Variants in PLEKHA4 observed in about 807,000 individuals in gnomAD.
The protein encoded by PLEKHA4 is pleckstrin homology domain containing A4.
Under a neutral mutation model 94.7 loss-of-function variants are expected in PLEKHA4, and 73 were observed. The ratio of observed to expected loss-of-function variants is 0.77; its 90% confidence interval spans 0.64 to 0.94. The LOEUF (loss-of-function observed/expected upper bound fraction) is 0.94. Ranked by LOEUF, PLEKHA4 falls within the 40% of genes least tolerant of loss-of-function variation. The probability of loss-of-function intolerance (pLI) is 0.00; values close to 1 mark genes in which losing one functional copy is unlikely to be tolerated. For synonymous variants in PLEKHA4, 449 were observed against 437.1 expected, an observed-to-expected ratio of 1.03 and a Z score of -0.34; for missense variants, 1,049 against 1,054.1, an observed-to-expected ratio of 1.00 and a Z score of 0.07.
intron 13 of PLEKHA4, among the ~76,000 whole-genome samples, chr19:48,849,793 A>G (rs968236041): frequency 2.0e-5 from 3 of 152,212 alleles, no homozygotes; most frequent in Non-Finnish European, 4.4e-5. Flanking sequence ...AGGATGCAAG[A>G]GATGAACTTG....
At position 48,859,375 on chromosome 19, in the gene PLEKHA4, C is replaced by T; in HGVS notation, c.692+94G>A. Reference sequence around the variant, plus strand: ...CACGGGAGCCCCAGCAAGTCACACACACTCAAGCAGAAAGCGCTAAGGCCC... The same window carrying T: ...CACGGGAGCCCCAGCAAGTCACACATACTCAAGCAGAAAGCGCTAAGGCCC... On this transcript the variant is annotated intron_variant, in intron 7 of 19. Coordinates refer to ENST00000263265, the MANE Select transcript of PLEKHA4 (RefSeq NM_020904.3). The T allele has an allele frequency of 6.7e-6, 9 of 1,351,488 alleles. No homozygotes were observed. In the East Asian group the frequency reaches 7.2e-5, roughly 11 times the overall value. 83.7% of individuals were successfully genotyped at this position (1,351,488 alleles called of 1,614,324 possible). A position where few individuals can be genotyped will look rare whatever the true frequency, so the allele number is the denominator to read the frequency against.
rs1599855074 is a variant in PLEKHA4, at chr19:48,837,412, A to G, written c.2217T>C (p.Ser739=). 6.2e-7 allele frequency: 1 copy of G among 1,612,812 alleles called. No homozygotes were observed. ...AGGGGGTGGGACCTCCTCCACGCCC[A>G]CTCCCTCGGCGAGAGAACCCCGTGG... ...SGSTGFSRRG[S]GRGGGPTPWG... The change falls in exon 20 of 20, where the codon AGT becomes AGC. Residue 739 remains serine (S), a synonymous_variant. Coordinates refer to ENST00000263265, the MANE Select transcript of PLEKHA4 (RefSeq NM_020904.3). This position sits in a 1 kb window ranked among gnomAD's most constrained non-coding sequence, Gnocchi z 4.3.
chr19:48,854,067 G>C lies in PLEKHA4; in HGVS notation c.1116C>G (p.Cys372Trp). The C allele has an allele frequency of 4.3e-6, 7 of 1,614,124 alleles. No individual in the cohort carries two copies. Among genetic ancestry groups the C allele is most frequent in the Non-Finnish European group, 5.9e-6 (7 of 1,180,008 alleles). Reference protein sequence around the residue: ...LETDTLLTKLCGQDRLLRRLQ... With the variant: ...LETDTLLTKLWGQDRLLRRLQ... ...GCCTCCGCAGAAGCCGGTCCTGCCCGCACAACTTGGTCAGCAGCGTCTGGA... is the reference window on the plus strand; with the variant it reads ...GCCTCCGCAGAAGCCGGTCCTGCCCCCACAACTTGGTCAGCAGCGTCTGGA... The change falls in exon 11 of 20, where the codon TGC becomes TGG. Residue 372 changes from cysteine to tryptophan, a missense_variant. Coordinates refer to ENST00000263265, the MANE Select transcript of PLEKHA4 (RefSeq NM_020904.3).
chr19:48,839,113 C>T (rs1297384379), intron 18 of PLEKHA4, 92 bp downstream of exon 18: 1 of 837,786 alleles, frequency 1.2e-6, no homozygotes, highest in African/African-American at 1.7e-5. Flanking sequence ...TTTGTACTTC[C>T]ATATTCAGGA....
At position 48,856,898 on chromosome 19, in the gene PLEKHA4, C is replaced by CAAAAA. The variant is rs1315657736; in HGVS notation, c.1047+519_1047+523dup. Among the ~76,000 whole-genome samples the CAAAAA allele has an allele frequency of 9.7e-3, 344 of 35,522 alleles. 6 individuals are homozygous for CAAAAA. Among genetic ancestry groups the CAAAAA allele is most frequent in the Middle Eastern group, 0.014 (1 of 72 alleles). The allele number at this position is 35,522 out of a possible 152,430, so 23.3% of individuals were successfully genotyped here. On this transcript the variant is annotated intron_variant, in intron 9 of 19. Coordinates refer to ENST00000263265, the MANE Select transcript of PLEKHA4 (RefSeq NM_020904.3). ...TGGGCGACAGAGAGAGACCCCGTCT[C>CAAAAA]AAAAAAAAAAAAAAAAAAGAAAGAA...
intron 7 of PLEKHA4, 21 bp from the exon 8 acceptor site, chr19:48,859,160 G>C: frequency 6.6e-7 from 1 of 1,512,522 alleles, no homozygotes; most frequent in Non-Finnish European, 8.8e-7. Context: ...GAGAGAATCG[G>C]GGAACTGAGT....
At chr19:48,860,922 A>C (rs1358246809) in intron 5 of PLEKHA4, among the ~76,000 whole-genome samples, 1 of 151,614 alleles carries the variant, frequency 6.6e-6, no homozygotes, top group African/African-American at 2.4e-5. Flanking sequence ...AAAGGAAAGG[A>C]CTGGACAGAC....
At chr19:48,849,987 C>T (rs143026974) in intron 13 of PLEKHA4, among the ~76,000 whole-genome samples, 2,721 of 149,234 alleles carry the variant, frequency 0.018, 38 homozygotes, top group Middle Eastern at 0.053. Context: ...CCGAGGCAGG[C>T]GGATCAGAAG....
chr19:48,852,924 A>C (rs2036255606), intron 12 of PLEKHA4, among the ~76,000 whole-genome samples: 1 of 151,630 alleles, frequency 6.6e-6, no homozygotes, highest in South Asian at 2.1e-4. Context: ...CAGAGCAAGA[A>C]TCCGTCTCAA....
intron 9 of PLEKHA4, among the ~76,000 whole-genome samples, chr19:48,854,834 G>A (rs1405120614): frequency 1.3e-5 from 2 of 151,274 alleles, no homozygotes; most frequent in African/African-American, 4.9e-5. Context: ...CAAGTAGGTG[G>A]GACAACAGAT....
chr19:48,861,877 G>A (rs1253945409), intron 3 of PLEKHA4, among the ~76,000 whole-genome samples, 185 bp from the exon 4 acceptor site: 7 of 151,708 alleles, frequency 4.6e-5, no homozygotes, highest in Non-Finnish European at 1.0e-4. Context: ...TGTAATCCCA[G>A]CACTTAGAGA....
rs1356353398 is a variant in PLEKHA4 at position 48,841,443 on chromosome 19, T to A, written c.1744-133A>T. ...GGAGTTGAAGACCAGCCTGGCCAAC[T>A]TGGCGAAATACCATCTCTACTAAAA... is the stretch of plus-strand genomic sequence containing the variant. On this transcript the variant is annotated intron_variant, in intron 16 of 19. Transcript: ENST00000263265. 3.2e-6 allele frequency: 3 copies of A among 939,636 alleles called. No homozygotes were observed. In the Admixed American group the frequency reaches 9.8e-5, roughly 31 times the overall value. 58.2% of individuals were successfully genotyped at this position (939,636 alleles called of 1,614,324 possible). A position where few individuals can be genotyped will look rare whatever the true frequency, so the allele number is the denominator to read the frequency against.
intron 6 of PLEKHA4, 161 bp downstream of exon 6, chr19:48,860,189 T>C (rs2036580388): frequency 1.6e-6 from 1 of 623,208 alleles, no homozygotes. Flanking sequence ...CTTTTGCTGA[T>C]TGGAAAAGTT....
intron 14 of PLEKHA4, among the ~76,000 whole-genome samples, chr19:48,847,436 A>T (rs2131093): frequency 0.12 from 18,673 of 150,764 alleles, 1,300 homozygotes; most frequent in Middle Eastern, 0.17. Context: ...ATCCCATCTT[A>T]AAAAAAAAAT....
Position 48,845,383 on chromosome 19 carries a change from T to C in PLEKHA4, c.1730A>G (p.Gln577Arg). ...CCTACAGCTTACCTTGGTTCCTAGC[T>C]GTGGGGAAGGGAGGTGGCGACCCTC... is the stretch of plus-strand genomic sequence containing the variant. ...SPEGRHLPSP[Q>R]LGTKAPVARP... Residue 577 changes from glutamine (Q) to arginine (R), a missense_variant, in exon 16 of 20, where the codon CAG becomes CGG. By Grantham distance (43) the Gln-to-Arg change is conservative. Transcript: ENST00000263265. 6.2e-7 allele frequency: 1 copy of C among 1,613,048 alleles called. No individual in the cohort carries two copies. Among genetic ancestry groups the C allele is most frequent in the Non-Finnish European group, 8.5e-7 (1 of 1,179,974 alleles).
intron 8 of PLEKHA4, among the ~76,000 whole-genome samples, chr19:48,858,628 A>AAAAAAAAAAAAAAAAAAAAAG (rs2036515765): frequency 1.1e-5 from 1 of 93,778 alleles, no homozygotes; most frequent in Non-Finnish European, 2.3e-5. Context: ...CCTCAGTCTC[A>AAAAAAAAAAAAAAAAAAAAAG]AAAAAAAAAA....
chr19:48,852,829 A>G lies in PLEKHA4; in HGVS notation c.1327-503T>C, dbSNP rs567873104. 2.0e-5 allele frequency among the ~76,000 whole-genome samples: 3 copies of G among 151,928 alleles called. No individual in the cohort carries two copies. The South Asian group carries it at 6.2e-4, about 32-fold the overall frequency. On this transcript the variant is annotated intron_variant, in intron 12 of 19. Transcript: ENST00000263265. The stretch of plus-strand genomic sequence containing the variant: ...GGGCCTGTAATCCCAGGTATTCGGG[A>G]GGCTGAGGCAGGAGGATCACTTGAA...
chr19:48,844,854 G>C (rs938695677), intron 16 of PLEKHA4, among the ~76,000 whole-genome samples: 1 of 119,484 alleles, frequency 8.4e-6, no homozygotes, highest in Non-Finnish European at 1.6e-5. Flanking sequence ...TGCTCTTGTC[G>C]CACAAGCTGG....
In PLEKHA4 at chr19:48,859,617, C is replaced by G; in HGVS notation, c.544G>C (p.Glu182Gln). The G allele has an allele frequency of 6.2e-7, 1 of 1,613,326 alleles. No homozygotes were observed. Among genetic ancestry groups the G allele is most frequent in the Non-Finnish European group, 8.5e-7 (1 of 1,179,980 alleles). ...EGPGGPGGPP[E>Q]VSRGEEGRIS... Reference sequence around the variant, plus strand: ...CGCCCCTCTTCCCCTCTGCTCACCTCCGGGGGACCACCGGGGCCGCCGGGG... The same window carrying G: ...CGCCCCTCTTCCCCTCTGCTCACCTGCGGGGGACCACCGGGGCCGCCGGGG... Residue 182 changes from glutamate (E) to glutamine (Q), a missense_variant, in exon 7 of 20, where the codon GAG becomes CAG. Glu to Gln is a conservative substitution (Grantham distance 29). Coordinates refer to ENST00000263265, the MANE Select transcript of PLEKHA4 (RefSeq NM_020904.3).
Sources: allele counts gnomAD v4.1 joint callset (sites outside exome capture counted in the v4.1 genomes callset), GRCh38; gene constraint gnomAD v4.1.1; non-coding constraint Gnocchi (gnomAD v3.1); transcripts MANE v1.5; gene names NCBI Gene and HGNC (gene_info 2026-07-23, HGNC 2026-07-21).